SATB2: variants seen among roughly 807,000 people sequenced by gnomAD.
SATB2 encodes DNA-binding protein SATB2.
A neutral mutation model predicts 73.4 loss-of-function variants in SATB2; 1 was observed. That is an observed-to-expected ratio of 0.01 (90% CI 0.00 to 0.06). The LOEUF (loss-of-function observed/expected upper bound fraction) is 0.06, where lower values mean the gene tolerates loss of function less well. SATB2 is among the 10% of genes least tolerant of loss of function. The probability of loss-of-function intolerance (pLI) is 1.00; values close to 1 mark genes in which losing one functional copy is unlikely to be tolerated. For synonymous variants in SATB2, 397 were observed against 367.0 expected (o/e 1.08, Z -0.93); for missense variants, 459 against 945.8 (o/e 0.49, Z 6.75).
chr2:199,463,802 C>G lies in SATB2; in HGVS notation c.-141+1034G>C, dbSNP rs931269747. Among the ~76,000 whole-genome samples the G allele has an allele frequency of 1.4e-4, 21 of 152,186 alleles. No homozygotes were observed. Among genetic ancestry groups the G allele is most frequent in the Admixed American group, 6.5e-5 (1 of 15,288 alleles). ...GAAATGAAAAGTACACCTGGAAAGC[C>G]CAAGATAGCACCCGGTCCGCACCCC... On this transcript the variant is annotated intron_variant, in intron 1 of 11. Transcript: ENST00000260926. The surrounding 1 kb of genome is among the most constrained non-coding windows in gnomAD (Gnocchi z 6.4).
chr2:199,315,469 T>A (rs1480464450), intron 9 of SATB2, among the ~76,000 whole-genome samples: 1 of 151,846 alleles, frequency 6.6e-6, no homozygotes, highest in Non-Finnish European at 1.5e-5. Flanking sequence ...AAATCTTACA[T>A]GTTAAGTGAT....
intron 3 of SATB2, among the ~76,000 whole-genome samples, chr2:199,413,295 GA>G (rs547005406): frequency 6.6e-6 from 1 of 152,322 alleles, no homozygotes; most frequent in South Asian, 2.1e-4. Flanking sequence ...GAGGTTCAAA[GA>G]AGTAGCTTCT....
At chr2:199,332,716 A>G (rs1207033053) in intron 7 of SATB2, among the ~76,000 whole-genome samples, 2 of 152,124 alleles carry the variant, frequency 1.3e-5, no homozygotes, top group East Asian at 1.9e-4. Context: ...TTTGATTTCC[A>G]TACTTCCTTA....
intron 5 of SATB2, among the ~76,000 whole-genome samples, chr2:199,378,405 T>C (rs927645739): frequency 3.3e-5 from 5 of 152,246 alleles, no homozygotes; most frequent in Admixed American, 3.3e-4. Context: ...TTTTCCTAAC[T>C]TGTTCTTTGT....
chr2:199,391,820 C>T (rs1383748167), intron 3 of SATB2, among the ~76,000 whole-genome samples: 1 of 151,998 alleles, frequency 6.6e-6, no homozygotes, highest in Non-Finnish European at 1.5e-5. Flanking sequence ...AAATATTCAG[C>T]AATGTCAGAA....
At chr2:199,275,222 T>C (rs1206595759) in intron 10 of SATB2, among the ~76,000 whole-genome samples, 1 of 152,226 alleles carries the variant, frequency 6.6e-6, no homozygotes, top group Non-Finnish European at 1.5e-5. Context: ...TCCAAAACTA[T>C]ACTTTGAAGT....
chr2:199,320,159 G>A (rs967302925), intron 9 of SATB2, among the ~76,000 whole-genome samples: 17 of 152,068 alleles, frequency 1.1e-4, no homozygotes, highest in African/African-American at 3.6e-4. Flanking sequence ...TTCGCTCCCT[G>A]GTGGCCCTTT....
chr2:199,337,581 T>G (rs1229651719), intron 7 of SATB2, among the ~76,000 whole-genome samples: 1 of 152,164 alleles, frequency 6.6e-6, no homozygotes, highest in East Asian at 1.9e-4. Flanking sequence ...GAGATATAGC[T>G]AGAGACAGAC....
At chr2:199,469,220 G>T (rs146786243), upstream of SATB2, among the ~76,000 whole-genome samples, 9 of 152,138 alleles carry the variant, frequency 5.9e-5, no homozygotes, top group African/African-American at 9.7e-5. Flanking sequence ...ACCGGAAAGG[G>T]TGCTGCCCCG....
chr2:199,284,031 A>T (rs773329691), intron 10 of SATB2, among the ~76,000 whole-genome samples: 3 of 152,176 alleles, frequency 2.0e-5, no homozygotes, highest in Non-Finnish European at 4.4e-5. Context: ...ATTGTTTTAA[A>T]ACTAAAGTGA....
chr2:199,346,524 T>C (rs1317317485), intron 7 of SATB2, among the ~76,000 whole-genome samples: 2 of 152,224 alleles, frequency 1.3e-5, no homozygotes, highest in South Asian at 2.1e-4. Context: ...GCCTACATAA[T>C]AGAAATACAT....
intron 10 of SATB2, among the ~76,000 whole-genome samples, chr2:199,284,675 T>C (rs765008384): frequency 2.6e-5 from 4 of 152,150 alleles, no homozygotes; most frequent in Non-Finnish European, 5.9e-5. Context: ...TTTGAAAATA[T>C]ATTTATTGTG....
Position 199,391,351 on chromosome 2 carries a change from T to C in SATB2, c.347-9531A>G, listed in dbSNP as rs7558982. ...GGGAGGCTGAGGCAGGAGAATGGCG[T>C]GAACCCGGGAGGCAGAGGTTGCAGT... On this transcript the variant is annotated intron_variant, in intron 3 of 10. Coordinates refer to ENST00000417098, the MANE Select transcript of SATB2 (RefSeq NM_001172509.2). Among the ~76,000 whole-genome samples, 153 of 143,522 alleles carry C rather than the reference T, an allele frequency of 1.1e-3. 1 individual carries two copies. Among genetic ancestry groups the C allele is most frequent in the African/African-American group, 1.8e-3 (67 of 37,968 alleles). The allele number at this position is 143,522 out of a possible 152,430, so 94.2% of individuals were successfully genotyped here.
intron 7 of SATB2, among the ~76,000 whole-genome samples, chr2:199,342,715 A>G (rs1317017627): frequency 6.6e-6 from 1 of 152,252 alleles, no homozygotes; most frequent in Non-Finnish European, 1.5e-5. Context: ...AAATAAATAA[A>G]TAATAAAATA....
chr2:199,442,602 C>T (rs953413428), intron 2 of SATB2, among the ~76,000 whole-genome samples: 5 of 152,074 alleles, frequency 3.3e-5, no homozygotes, highest in Admixed American at 6.6e-5. Context: ...ACAAAAGAGC[C>T]GGGCACAGTG....
Position 199,455,696 on chromosome 2 carries a change from C to A in SATB2, c.169+173G>T, listed in dbSNP as rs1396958987. Among the ~76,000 whole-genome samples, 1 of 152,252 alleles carries A rather than the reference C, an allele frequency of 6.6e-6. No individual in the cohort carries two copies. The highest frequency in any genetic ancestry group is 1.5e-5 in the Non-Finnish European group (1 of 68,038). On this transcript the variant is annotated intron_variant, in intron 2 of 10. Transcript: ENST00000417098. This position sits in a 1 kb window ranked among gnomAD's most constrained non-coding sequence, Gnocchi z 4.1. ...GGGTAAAACCACTTTCTTGTTTTAA[C>A]TGGAGATGAAGCTACCAGTTGCAGA...
intron 10 of SATB2, among the ~76,000 whole-genome samples, chr2:199,297,260 C>T (rs918970358): frequency 2.6e-5 from 4 of 152,102 alleles, no homozygotes; most frequent in Non-Finnish European, 4.4e-5. Flanking sequence ...GTAAAATTTG[C>T]AAATGTTTTA....
intron 3 of SATB2, among the ~76,000 whole-genome samples, chr2:199,409,167 C>CTTTTTTTT (rs67330007): frequency 3.5e-5 from 4 of 115,240 alleles, no homozygotes; most frequent in East Asian, 2.4e-4. Flanking sequence ...TTTTTCTTTT[C>CTTTTTTTT]TTTTTTTTTT....
chr2:199,385,492 T>C (rs1025352343), intron 3 of SATB2, among the ~76,000 whole-genome samples: 2 of 151,958 alleles, frequency 1.3e-5, no homozygotes, highest in Non-Finnish European at 2.9e-5. Context: ...GTTCCCTCAG[T>C]CTCTTATTTT....
Sources: gnomAD v4.1 joint callset for allele counts (sites outside exome capture counted in the v4.1 genomes callset) on GRCh38, gnomAD v4.1.1 for gene constraint, Gnocchi (gnomAD v3.1) non-coding constraint, MANE v1.5 for transcripts, NCBI Gene and HGNC (gene_info 2026-07-23, HGNC 2026-07-21) for gene names.